Variants in OR52N4 observed in about 807,000 individuals in gnomAD.
OR52N4 encodes olfactory receptor family 52 subfamily N member 4.
OR52N4 carries 15 observed loss-of-function variants against 15.0 expected under a neutral mutation model. That is an observed-to-expected ratio of 1.00 (90% confidence interval 0.67 to 1.54). The LOEUF (loss-of-function observed/expected upper bound fraction) is 1.54. OR52N4 is among the 40% of genes most tolerant of loss of function. The pLI is 0.00. For missense variants in OR52N4, 421 were observed against 394.0 expected, an observed-to-expected ratio of 1.07 and a Z score of -0.58; for synonymous variants, 143 against 143.7, an observed-to-expected ratio of 1.00 and a Z score of 0.03.
the OR52N4 span, among the ~76,000 whole-genome samples, chr11:5,740,350 T>C: frequency 1.8e-4 from 23 of 128,004 alleles, 6 homozygotes; most frequent in Non-Finnish European, 3.5e-4. Flanking sequence ...TGGAGTCGAC[T>C]GATTACTGCT....
chr11:5,727,885 G>T, the OR52N4 span, among the ~76,000 whole-genome samples: 1 of 152,178 alleles, frequency 6.6e-6, no homozygotes. Context: ...TATAGCCACA[G>T]TTAAAGTAGT....
At chr11:5,750,903 G>C (rs1222595102), upstream of OR52N4, among the ~76,000 whole-genome samples, 1 of 151,842 alleles carries the variant, frequency 6.6e-6, no homozygotes, top group South Asian at 2.1e-4. Flanking sequence ...TTAAAAATGA[G>C]TTTATAAGCT....
chr11:5,735,276 C>T, the OR52N4 span, among the ~76,000 whole-genome samples: 1 of 151,806 alleles, frequency 6.6e-6, no homozygotes, highest in African/African-American at 2.4e-5. Flanking sequence ...GTGTAAAATA[C>T]AAAGAAGTTC....
At chr11:5,739,516 C>T in the OR52N4 span, among the ~76,000 whole-genome samples, 5 of 104,316 alleles carry the variant, frequency 4.8e-5, no homozygotes, top group Non-Finnish European at 7.8e-5. Flanking sequence ...GAGCTGTGAT[C>T]ACACCATTGC....
chr11:5,741,422 T>C, the OR52N4 span, among the ~76,000 whole-genome samples: 4 of 152,170 alleles, frequency 2.6e-5, no homozygotes, highest in Admixed American at 1.3e-4. Flanking sequence ...TGATGGACGA[T>C]GATGAGTCAA....
the OR52N4 span, among the ~76,000 whole-genome samples, chr11:5,729,549 C>A: frequency 6.6e-6 from 1 of 152,156 alleles, no homozygotes; most frequent in African/African-American, 2.4e-5. Flanking sequence ...AACTGTGTAA[C>A]AATCTTATAC....
the OR52N4 span, among the ~76,000 whole-genome samples, chr11:5,730,695 G>A: frequency 6.7e-6 from 1 of 150,156 alleles, no homozygotes; most frequent in East Asian, 2.0e-4. Context: ...TCCATCTTTG[G>A]CTAACTTCTC....
At chr11:5,729,114 A>ATTTTTT in the OR52N4 span, among the ~76,000 whole-genome samples, 1,631 of 82,788 alleles carry the variant, frequency 0.02, 148 homozygotes, top group Non-Finnish European at 0.027. Flanking sequence ...TTAAATTGAG[A>ATTTTTT]TTTTTTTTTT....
the OR52N4 span, among the ~76,000 whole-genome samples, chr11:5,732,817 A>T: frequency 6.6e-6 from 1 of 152,168 alleles, no homozygotes; most frequent in South Asian, 2.1e-4. Flanking sequence ...GCTAAATAAT[A>T]ATCTCTTGGA....
rs1388795155 is a variant in OR52N4, at chr11:5,754,899, T to C, written c.159T>C (p.Tyr53=). 1.2e-6 allele frequency: 2 copies of C among 1,613,742 alleles called. No individual in the cohort carries two copies. Among genetic ancestry groups the C allele is most frequent in the African/African-American group, 2.7e-5 (2 of 74,924 alleles). ...GNCGLLYLIH[Y]EDALHKPMYY... is the part of the protein sequence containing the mutation. ...GTGGACTCCTCTACCTCATTCACTA[T>C]GAGGATGCCCTGCACAAACCCATGT... The change falls in exon 2 of 2, where the codon TAT becomes TAC. Residue 53 remains tyrosine (Y), a synonymous_variant. Transcript: ENST00000641350.
At position 5,755,542 on chromosome 11, in the gene OR52N4, G is replaced by A. The variant is rs753488958; in HGVS notation, c.802G>A (p.Glu268Lys). Residue 268 changes from glutamate (E) to lysine (K), a missense_variant, in exon 2 of 2, where the codon GAA (glutamate) becomes AAA (lysine). By Grantham distance (56) the Glu-to-Lys change is moderately conservative (BLOSUM62 1). Coordinates refer to ENST00000641350, the MANE Select transcript of OR52N4 (RefSeq NM_001005175.5). ...CTCCTTCTTTTCCCACCGCTTTGGG[G>A]AACACATAATCCCCCCTTCTTGCCA... Reference protein sequence around the residue: ...FFSFFSHRFGEHIIPPSCHII... With the variant: ...FFSFFSHRFGKHIIPPSCHII... The A allele has an allele frequency of 6.2e-7, 1 of 1,613,618 alleles. No individual in the cohort carries two copies. Among genetic ancestry groups the A allele is most frequent in the African/African-American group, 1.3e-5 (1 of 74,876 alleles).
upstream of OR52N4, among the ~76,000 whole-genome samples, chr11:5,752,737 C>A (rs901691685): frequency 6.6e-6 from 1 of 152,128 alleles, no homozygotes; most frequent in East Asian, 1.9e-4. Flanking sequence ...TATCTCACAA[C>A]CAAATCAAGT....
At chr11:5,731,197 T>C in the OR52N4 span, among the ~76,000 whole-genome samples, 1 of 152,212 alleles carries the variant, frequency 6.6e-6, no homozygotes, top group Non-Finnish European at 1.5e-5. Flanking sequence ...TGGCAGATTA[T>C]GAAAAGGACA....
the OR52N4 span, among the ~76,000 whole-genome samples, chr11:5,740,528 A>T: frequency 7.8e-6 from 1 of 127,614 alleles, no homozygotes; most frequent in East Asian, 2.7e-4. Context: ...TTTGAGTCTC[A>T]GCTGGGTGCA....
chr11:5,748,056 TAAG>T, the OR52N4 span, among the ~76,000 whole-genome samples: 22,682 of 151,892 alleles, frequency 0.15, 1,867 homozygotes, highest in Admixed American at 0.25. Flanking sequence ...TCTACATACA[TAAG>T]ATCAAGCTGT....
At chr11:5,738,928 G>C in the OR52N4 span, among the ~76,000 whole-genome samples, 43 of 66,170 alleles carry the variant, frequency 6.5e-4, 14 homozygotes, top group African/African-American at 2.2e-3. Context: ...TATTAATTTT[G>C]GGTGCAGGAA....
At position 5,754,702 on chromosome 11, in the gene OR52N4, G is replaced by C; in HGVS notation, c.-39G>C. The C allele has an allele frequency of 4.6e-6, 7 of 1,535,080 alleles. No individual in the cohort carries two copies. Among genetic ancestry groups the C allele is most frequent in the African/African-American group, 1.4e-5 (1 of 71,898 alleles). On this transcript the variant is annotated 5_prime_UTR_variant, in exon 2 of 2. Coordinates refer to ENST00000641350, the MANE Select transcript of OR52N4 (RefSeq NM_001005175.5). ...TTTTTTTTAACTCTAGGAAAGCCCA[G>C]ACAAATTTTGAGCTATTTCATAACC... is the stretch of plus-strand genomic sequence containing the variant.
the OR52N4 span, among the ~76,000 whole-genome samples, chr11:5,732,992 A>G: frequency 6.6e-6 from 1 of 152,182 alleles, no homozygotes; most frequent in South Asian, 2.1e-4. Flanking sequence ...TAAATATTAT[A>G]AAATTTACAT....
At chr11:5,747,671 T>C in the OR52N4 span, among the ~76,000 whole-genome samples, 1 of 151,966 alleles carries the variant, frequency 6.6e-6, no homozygotes, top group African/African-American at 2.4e-5. Flanking sequence ...TATACCCCAG[T>C]CATAGACAAT....
Sources: gnomAD v4.1 joint callset for allele counts (sites outside exome capture counted in the v4.1 genomes callset) on GRCh38, gnomAD v4.1.1 for gene constraint, MANE v1.5 for transcripts, NCBI Gene and HGNC (gene_info 2026-07-23, HGNC 2026-07-21) for gene names.